Variants in RBFOX1 observed in about 807,000 individuals in gnomAD.
RBFOX1 encodes RNA binding protein fox-1 homolog 1.
Under a neutral mutation model 57.7 loss-of-function variants are expected in RBFOX1, and 8 were observed. The observed-to-expected ratio is 0.14, with a 90% CI of 0.08 to 0.25. The LOEUF (loss-of-function observed/expected upper bound fraction) is 0.25. Among genes scored for constraint, RBFOX1 ranks in the 10% least tolerant of loss-of-function variants. RBFOX1 has a pLI of 1.00. For missense variants in RBFOX1, 611 were observed against 548.5 expected, an observed-to-expected ratio of 1.11 and a Z score of -1.14; for synonymous variants, 326 against 222.4, an observed-to-expected ratio of 1.47 and a Z score of -4.15.
At chr16:6,855,572 G>A (rs934906678) in intron 3 of RBFOX1, among the ~76,000 whole-genome samples, 7 of 149,092 alleles carry the variant, frequency 4.7e-5, no homozygotes, top group Admixed American at 1.3e-4. Flanking sequence ...AGAATGGCGT[G>A]AACCCGAGAG....
chr16:6,672,519 GA>G (rs1296477210), intron 3 of RBFOX1, among the ~76,000 whole-genome samples: 2 of 150,062 alleles, frequency 1.3e-5, no homozygotes, highest in Non-Finnish European at 3.0e-5. Context: ...GAAGATGGGA[GA>G]AAAAAGAAAA....
At chr16:6,483,972 T>G in intron 2 of RBFOX1, 4 of 1,021,620 alleles carry the variant, frequency 3.9e-6, no homozygotes, top group Non-Finnish European at 4.7e-6. Flanking sequence ...GGGCTCGCCC[T>G]GGGTGCCCCG....
At chr16:5,785,684 T>C (rs1202340103) in intron 3 of RBFOX1, among the ~76,000 whole-genome samples, 1 of 151,976 alleles carries the variant, frequency 6.6e-6, no homozygotes, top group Admixed American at 6.6e-5. Flanking sequence ...TGCACCACCA[T>C]ACCCGGCTAA....
intron 4 of RBFOX1, among the ~76,000 whole-genome samples, chr16:7,318,224 C>T (rs1024283803): frequency 2.7e-5 from 4 of 149,896 alleles, no homozygotes; most frequent in Admixed American, 6.7e-5. Context: ...TGGTGATGGC[C>T]ATGGTAATGG....
intron 4 of RBFOX1, among the ~76,000 whole-genome samples, chr16:7,263,784 T>G (rs1205764909): frequency 6.6e-6 from 1 of 151,976 alleles, no homozygotes; most frequent in Non-Finnish European, 1.5e-5. Context: ...TAATCCCAGC[T>G]GCTCAAGAGG....
chr16:5,345,557 C>A (rs545086361), intron 1 of RBFOX1, among the ~76,000 whole-genome samples: 3 of 152,336 alleles, frequency 2.0e-5, no homozygotes, highest in East Asian at 3.9e-4. Flanking sequence ...CTCCTTACCT[C>A]CCAACTGAGG....
intron 4 of RBFOX1, among the ~76,000 whole-genome samples, chr16:7,377,621 G>T (rs2097708286): frequency 6.6e-6 from 1 of 152,162 alleles, no homozygotes; most frequent in South Asian, 2.1e-4. Context: ...TAACTTTATA[G>T]CGCTTGAATG....
chr16:5,969,549 G>A (rs2059922596), intron 4 of RBFOX1, among the ~76,000 whole-genome samples: 1 of 146,282 alleles, frequency 6.8e-6, no homozygotes, highest in African/African-American at 2.5e-5. Context: ...GTCTCGAACT[G>A]CTGATCTCAT....
At chr16:6,083,855 C>T (rs2096047495) in intron 1 of RBFOX1, among the ~76,000 whole-genome samples, 1 of 152,128 alleles carries the variant, frequency 6.6e-6, no homozygotes. Context: ...CCCCGGGGGA[C>T]ACTGGCAATC....
intron 4 of RBFOX1, among the ~76,000 whole-genome samples, chr16:7,200,110 A>G (rs7188981): frequency 0.47 from 70,720 of 152,074 alleles, 17,187 homozygotes; most frequent in African/African-American, 0.57. Flanking sequence ...ACATGAACAC[A>G]TAGCACCAAC....
At chr16:6,833,931 C>T (rs1023368035) in intron 3 of RBFOX1, among the ~76,000 whole-genome samples, 3 of 151,930 alleles carry the variant, frequency 2.0e-5, no homozygotes, top group Non-Finnish European at 4.4e-5. Flanking sequence ...TGAGTGTGTC[C>T]AGAGTGATGT....
At chr16:5,913,193 C>A (rs961566151) in intron 4 of RBFOX1, among the ~76,000 whole-genome samples, 2 of 152,158 alleles carry the variant, frequency 1.3e-5, no homozygotes, top group South Asian at 2.1e-4. Flanking sequence ...AGGTAGAAAG[C>A]CACACACGGG....
At chr16:5,933,541 G>A (rs143005161) in intron 4 of RBFOX1, among the ~76,000 whole-genome samples, 1,889 of 152,310 alleles carry the variant, frequency 0.012, 20 homozygotes, top group Middle Eastern at 0.027. Context: ...AGGGAAAAGT[G>A]ACTTAGGAAC....
intron 1 of RBFOX1, among the ~76,000 whole-genome samples, chr16:5,418,716 T>C (rs1188840951): frequency 2.0e-5 from 3 of 152,268 alleles, no homozygotes; most frequent in Non-Finnish European, 4.4e-5. Flanking sequence ...CCTCTCCCAA[T>C]GTTCCTTCAT....
At chr16:6,641,219 C>G (rs892907838) in intron 2 of RBFOX1, among the ~76,000 whole-genome samples, 1 of 152,132 alleles carries the variant, frequency 6.6e-6, no homozygotes, top group Admixed American at 6.5e-5. Context: ...CACCGAGGTT[C>G]AAATCAGAGG....
chr16:7,002,627 G>T (rs568881628), intron 3 of RBFOX1, among the ~76,000 whole-genome samples: 2 of 152,076 alleles, frequency 1.3e-5, no homozygotes, highest in African/African-American at 4.8e-5. Flanking sequence ...CAGGAGAATC[G>T]CTTGAACCTG....
intron 2 of RBFOX1, among the ~76,000 whole-genome samples, chr16:6,536,406 C>G (rs1319785481): frequency 6.6e-6 from 1 of 152,154 alleles, no homozygotes. Flanking sequence ...ATTTCTGTCC[C>G]CTATTGTCCT....
intron 2 of RBFOX1, among the ~76,000 whole-genome samples, chr16:6,472,060 T>C (rs1294265029): frequency 1.3e-5 from 2 of 152,204 alleles, no homozygotes; most frequent in Non-Finnish European, 2.9e-5. Flanking sequence ...TTTCTCTATA[T>C]ACTGTTTCGC....
chr16:6,309,717 A>C (rs1437123669), intron 1 of RBFOX1, among the ~76,000 whole-genome samples: 1 of 152,078 alleles, frequency 6.6e-6, no homozygotes, highest in Non-Finnish European at 1.5e-5. Flanking sequence ...TTCGGGGAGA[A>C]GTTTGCTTCC....
Sources: allele counts gnomAD v4.1 joint callset (sites outside exome capture counted in the v4.1 genomes callset), GRCh38; gene constraint gnomAD v4.1.1; transcripts MANE v1.5; gene names NCBI Gene and HGNC (gene_info 2026-07-23, HGNC 2026-07-21).